Variants in JAKMIP3 observed in about 807,000 individuals in gnomAD.
The protein encoded by JAKMIP3 is Janus kinase and microtubule interacting protein 3.
A neutral mutation model predicts 118.5 loss-of-function variants in JAKMIP3; 58 were observed. The ratio of observed to expected loss-of-function variants is 0.49; its 90% CI spans 0.40 to 0.61. The LOEUF (loss-of-function observed/expected upper bound fraction) is 0.61. JAKMIP3 is among the 20% of genes least tolerant of loss of function. The pLI is 0.00. For synonymous variants in JAKMIP3, 486 were observed against 451.2 expected (o/e 1.08, Z -0.98); for missense variants, 950 against 1,109.0 (o/e 0.86, Z 2.04).
At chr10:132,060,934 C>T (rs11817294), upstream of JAKMIP3, among the ~76,000 whole-genome samples, 2,105 of 152,154 alleles carry the variant, frequency 0.014, 45 homozygotes, top group African/African-American at 0.048. Context: ...GCAGGAGAAT[C>T]GCTTGAACCA....
At chr10:132,146,834 T>G (rs1156776370) in intron 13 of JAKMIP3, among the ~76,000 whole-genome samples, 1 of 152,182 alleles carries the variant, frequency 6.6e-6, no homozygotes, top group Non-Finnish European at 1.5e-5. Flanking sequence ...AAATTAGAAG[T>G]GCGTTTCCAC....
chr10:132,156,541 C>G (rs923748684), intron 19 of JAKMIP3, among the ~76,000 whole-genome samples: 3 of 152,178 alleles, frequency 2.0e-5, no homozygotes, highest in African/African-American at 7.2e-5. Flanking sequence ...GGCGCCCTCC[C>G]TTTCCTTCTC....
At chr10:132,123,772 A>G (rs1291170328) in intron 3 of JAKMIP3, among the ~76,000 whole-genome samples, 1 of 152,134 alleles carries the variant, frequency 6.6e-6, no homozygotes, top group East Asian at 1.9e-4. Context: ...TTTGCTGAAG[A>G]CCCTGAATTG....
intron 19 of JAKMIP3, among the ~76,000 whole-genome samples, chr10:132,159,561 TGG>T (rs1226944382): frequency 3.2e-4 from 26 of 82,052 alleles, no homozygotes; most frequent in East Asian, 8.3e-4. Flanking sequence ...TGTGTGATGC[TGG>T]GGGGGCGTGT....
chr10:132,065,751 G>T (rs12413803), upstream of JAKMIP3, among the ~76,000 whole-genome samples: 6,056 of 152,000 alleles, frequency 0.04, 295 homozygotes, highest in East Asian at 0.21. This position sits in a 1 kb window ranked among gnomAD's most constrained non-coding sequence, Gnocchi z 5.6. Flanking sequence ...GTCTGTTCGC[G>T]CCCTGCAGGG....
chr10:132,158,531 G>A (rs1291247100), intron 19 of JAKMIP3, among the ~76,000 whole-genome samples: 3 of 152,246 alleles, frequency 2.0e-5, no homozygotes, highest in East Asian at 3.8e-4. Context: ...CAGCCCCAAA[G>A]ACCAGTGGGG....
rs76261977 is a variant in JAKMIP3, at chr10:132,127,675, T to C, written c.634-5637T>C. Among the ~76,000 whole-genome samples, 278 of 152,228 alleles carry C rather than the reference T, an allele frequency of 1.8e-3. 6 individuals carry two copies. The South Asian group carries it at 0.023, about 12-fold the overall frequency. ...TTTACTCTCATCCCCCTGTTCCTTT[T>C]TTTTCCCTCCCTCCCTCGTCTTGCC... On this transcript the variant is annotated intron_variant, in intron 3 of 23. Coordinates refer to ENST00000684848, the MANE Select transcript of JAKMIP3 (RefSeq NM_001323087.2).
chr10:132,093,744 C>T (rs1331545267), intron 1 of JAKMIP3, among the ~76,000 whole-genome samples: 2 of 152,074 alleles, frequency 1.3e-5, no homozygotes, highest in Non-Finnish European at 2.9e-5. Context: ...ACCCACTGTC[C>T]TGCCCCCACT....
At chr10:132,132,054 G>A (rs1373161398) in intron 3 of JAKMIP3, among the ~76,000 whole-genome samples, 1 of 152,198 alleles carries the variant, frequency 6.6e-6, no homozygotes, top group Admixed American at 6.5e-5. Flanking sequence ...TTATTTCACC[G>A]GCCCCATTCC....
At chr10:132,164,442 T>C (rs1370360570) in intron 20 of JAKMIP3, among the ~76,000 whole-genome samples, 3 of 152,180 alleles carry the variant, frequency 2.0e-5, no homozygotes, top group Non-Finnish European at 2.9e-5. Flanking sequence ...GTTGCAGGAA[T>C]TGGAAGGATA....
chr10:132,063,003 C>T (rs536947562), upstream of JAKMIP3, among the ~76,000 whole-genome samples: 3 of 152,236 alleles, frequency 2.0e-5, no homozygotes, highest in South Asian at 2.1e-4. Context: ...TTGGACCCGC[C>T]GGGTCTGAGA....
intron 3 of JAKMIP3, among the ~76,000 whole-genome samples, chr10:132,123,613 A>T (rs1298149244): frequency 6.6e-6 from 1 of 152,144 alleles, no homozygotes; most frequent in Non-Finnish European, 1.5e-5. Context: ...GGTGTCAGGT[A>T]AGTGACCGAG....
intron 11 of JAKMIP3, among the ~76,000 whole-genome samples, chr10:132,142,255 G>C (rs1326137988): frequency 1.3e-5 from 2 of 152,196 alleles, no homozygotes; most frequent in South Asian, 2.1e-4. Flanking sequence ...CCAGGTGGGA[G>C]GGACTGGCCC....
At chr10:132,076,956 C>T (rs1188332130) in intron 1 of JAKMIP3, among the ~76,000 whole-genome samples, 3 of 151,630 alleles carry the variant, frequency 2.0e-5, no homozygotes, top group Non-Finnish European at 4.4e-5. Flanking sequence ...CTGCGGTGGC[C>T]CCGGGTCTGA....
At chr10:132,159,745 G>GC in intron 19 of JAKMIP3, among the ~76,000 whole-genome samples, 1 of 77,066 alleles carries the variant, frequency 1.3e-5, no homozygotes, top group South Asian at 6.4e-4. Flanking sequence ...TGTGATACTG[G>GC]GGGGGCCTCT....
rs1272261097 is a variant in JAKMIP3, at chr10:132,180,770, CGTGTGT to C, written c.*1104-1579_*1104-1574del. ...GCGCGCGCGTGTGTGCGTGTGTGTGCGTGTGTGTGTGTGCGCGTATGCATGTGCTGT... is the reference window on the plus strand; with the variant it reads ...GCGCGCGCGTGTGTGCGTGTGTGTGCGTGTGTGCGCGTATGCATGTGCTGT... On this transcript the variant is annotated intron_variant, in intron 23 of 23. Coordinates refer to ENST00000684848, the MANE Select transcript of JAKMIP3 (RefSeq NM_001323087.2). Among the ~76,000 whole-genome samples, 161 of 52,214 alleles carry C rather than the reference CGTGTGT, an allele frequency of 3.1e-3. 36 individuals are homozygous for C. The highest frequency in any genetic ancestry group is 7.4e-3 in the East Asian group (5 of 672). 34.3% of individuals were successfully genotyped at this position (52,214 alleles called of 152,430 possible).
intron 1 of JAKMIP3, among the ~76,000 whole-genome samples, chr10:132,046,299 G>GA (rs1031035254): frequency 6.6e-6 from 1 of 152,008 alleles, no homozygotes; most frequent in African/African-American, 2.4e-5. Flanking sequence ...ACTAAAAATA[G>GA]AAAAAAAATA....
chr10:132,094,143 TG>T (rs1245794984), intron 1 of JAKMIP3, among the ~76,000 whole-genome samples: 1 of 152,082 alleles, frequency 6.6e-6, no homozygotes, highest in Non-Finnish European at 1.5e-5. Flanking sequence ...TTGCCCAGGC[TG>T]GTCTTGAACT....
chr10:132,166,582 A>G (rs2058925636), intron 21 of JAKMIP3, among the ~76,000 whole-genome samples: 1 of 152,226 alleles, frequency 6.6e-6, no homozygotes, highest in African/African-American at 2.4e-5. Context: ...TTTCAATACA[A>G]CGTTCACCAT....
Sources: gnomAD v4.1 joint callset for allele counts (sites outside exome capture counted in the v4.1 genomes callset) on GRCh38, gnomAD v4.1.1 for gene constraint, Gnocchi (gnomAD v3.1) non-coding constraint, MANE v1.5 for transcripts, NCBI Gene and HGNC (gene_info 2026-07-23, HGNC 2026-07-21) for gene names.